The following SPG11 variants were observed in gnomAD, a reference collection of about 807,000 sequenced individuals.
SPG11 encodes the protein SPG11 vesicle trafficking associated, spatacsin.
A neutral mutation model predicts 274.0 loss-of-function variants in SPG11; 222 were observed. The ratio of observed to expected loss-of-function variants is 0.81; its 90% CI spans 0.73 to 0.91. The LOEUF (loss-of-function observed/expected upper bound fraction) is 0.91. Ranked by LOEUF, SPG11 falls within the 40% of genes least tolerant of loss-of-function variation. The pLI is 0.00. For missense variants in SPG11, 3,114 were observed against 2,872.7 expected, an observed-to-expected ratio of 1.08 and a Z score of -1.92; for synonymous variants, 1,144 against 1,039.7, an observed-to-expected ratio of 1.10 and a Z score of -1.93.
chr15:44,633,484 A>G, intron 8 of SPG11, 21 bp downstream of exon 8: 3 of 1,559,042 alleles, frequency 1.9e-6, no homozygotes, highest in African/African-American at 1.4e-5. Flanking sequence ...ATACAAATGT[A>G]GAAATCTTTA....
intron 20 of SPG11, among the ~76,000 whole-genome samples, chr15:44,601,362 G>T (rs763513894): frequency 2.8e-4 from 42 of 151,834 alleles, no homozygotes; most frequent in African/African-American, 1.0e-3. Context: ...CTGGGCTCAG[G>T]TGATCCTCCC....
intron 28 of SPG11, 75 bp downstream of exon 28, chr15:44,589,176 AC>A (rs1437085437): frequency 6.7e-7 from 1 of 1,486,980 alleles, no homozygotes; most frequent in Non-Finnish European, 9.3e-7. Flanking sequence ...TAATTTCCTA[AC>A]TACCCCTCTA....
intron 2 of SPG11, 60 bp downstream of exon 2, chr15:44,660,372 G>A: frequency 1.3e-6 from 2 of 1,493,460 alleles, no homozygotes; most frequent in South Asian, 1.1e-5. Flanking sequence ...CCTGAAGTAT[G>A]TAACTACATG....
At chr15:44,650,916 T>C (rs771406185) in intron 6 of SPG11, among the ~76,000 whole-genome samples, 4 of 152,032 alleles carry the variant, frequency 2.6e-5, no homozygotes, top group Non-Finnish European at 4.4e-5. Flanking sequence ...CAAGGCTAAT[T>C]TTTGTATTTT....
At chr15:44,600,873 G>A (rs1193008988) in intron 20 of SPG11, among the ~76,000 whole-genome samples, 2 of 152,214 alleles carry the variant, frequency 1.3e-5, no homozygotes, top group African/African-American at 4.8e-5. Flanking sequence ...TGATGCTTCA[G>A]CCGGGTACGG....
chr15:44,580,653 T>C (rs1201084820), intron 30 of SPG11, among the ~76,000 whole-genome samples: 1 of 152,120 alleles, frequency 6.6e-6, no homozygotes, highest in East Asian at 1.9e-4. Flanking sequence ...TAGCTGGGTG[T>C]GGTGATGCAC....
intron 23 of SPG11, 135 bp downstream of exon 23, chr15:44,598,130 C>CA (rs2083090588): frequency 1.5e-6 from 1 of 683,810 alleles, no homozygotes; most frequent in African/African-American, 1.8e-5. Context: ...GTATCTGCTA[C>CA]ATGCTAGATA....
At chr15:44,633,324 CAAAAAAAAAAAAAAAAAAAAAAAAAA>C (rs531787427) in intron 8 of SPG11, 155 bp downstream of exon 8, 16 of 108,914 alleles carry the variant, frequency 1.5e-4, no homozygotes, top group Middle Eastern at 3.4e-3. Context: ...GACTCTGTCT[CAAAAAAAAAAAAAAAAAAAAAAAAAA>C]AAAAAAAAAA....
chr15:44,622,075 G>A lies in SPG11; in HGVS notation c.2445-141C>T. 5.1e-6 allele frequency: 6 copies of A among 1,180,216 alleles called. No individual in the cohort carries two copies. In the South Asian group the frequency reaches 5.5e-5, roughly 11 times the overall value. 73.1% of individuals were successfully genotyped at this position (1,180,216 alleles called of 1,614,324 possible). A position where few individuals can be genotyped will look rare whatever the true frequency, so the allele number is the denominator to read the frequency against. On this transcript the variant is annotated intron_variant, in intron 13 of 39. Transcript: ENST00000261866. The stretch of plus-strand genomic sequence containing the variant: ...AATATTAAAATGACAGAAAACTCTC[G>A]AGTCCCTTCTGTCTGATACAAGTTT...
chr15:44,621,188 T>G (rs2083738296), intron 14 of SPG11: 1 of 153,392 alleles, frequency 6.5e-6, no homozygotes, highest in African/African-American at 2.4e-5. Flanking sequence ...TAGATGTAGC[T>G]TCTAATTACT....
At chr15:44,565,245 G>A (rs1224708079) in intron 38 of SPG11, among the ~76,000 whole-genome samples, 1 of 152,216 alleles carries the variant, frequency 6.6e-6, no homozygotes, top group Non-Finnish European at 1.5e-5. Context: ...AGGACCACCA[G>A]CAAGAGTATT....
chr15:44,633,163 C>A lies in SPG11; in HGVS notation c.1735+342G>T, dbSNP rs117058188. On this transcript the variant is annotated intron_variant, in intron 8 of 39. Transcript: ENST00000261866. Reference sequence around the variant, plus strand: ...AGACCAGCCTGGCAACACAGTGAGACCCCATTCTCTACAAAGAATAGCTGA... The same window carrying A: ...AGACCAGCCTGGCAACACAGTGAGAACCCATTCTCTACAAAGAATAGCTGA... Among the ~76,000 whole-genome samples the A allele has an allele frequency of 7.5e-3, 1,141 of 151,240 alleles. 5 individuals carry two copies. Among genetic ancestry groups the A allele is most frequent in the South Asian group, 0.013 (64 of 4,774 alleles).
At chr15:44,652,764 C>G (rs971232595) in intron 4 of SPG11, among the ~76,000 whole-genome samples, 1 of 151,860 alleles carries the variant, frequency 6.6e-6, no homozygotes, top group Admixed American at 6.6e-5. Context: ...AAGCGATTCT[C>G]CTGTCTTAGC....
At chr15:44,593,790 G>A (rs1567146517) in intron 26 of SPG11, among the ~76,000 whole-genome samples, 2 of 143,390 alleles carry the variant, frequency 1.4e-5, no homozygotes, top group Non-Finnish European at 3.0e-5. Context: ...GTCTTGCTCT[G>A]TCACCCAGGC....
chr15:44,626,402 C>A lies in SPG11; in HGVS notation c.2173G>T (p.Gly725Cys). 2.5e-6 allele frequency: 4 copies of A among 1,613,838 alleles called. No homozygotes were observed. The highest frequency in any genetic ancestry group is 3.4e-6 in the Non-Finnish European group (4 of 1,179,916). The part of the protein sequence containing the change: ...AQKLEELIGI[G>C]LNLVFDNLKK... ...AAATTGTCAAAGACCAAATTTAGGC[C>A]TATGCCAATAAGCTCCTCAAGTTTT... Residue 725 changes from glycine (G) to cysteine (C), a missense_variant, in exon 11 of 40, where the codon GGC becomes TGC. Coordinates refer to ENST00000261866, the MANE Select transcript of SPG11 (RefSeq NM_025137.4).
At chr15:44,600,653 TATTA>T (rs781776411) in intron 20 of SPG11, 21 bp from the exon 21 acceptor site, 3 of 1,610,516 alleles carry the variant, frequency 1.9e-6, no homozygotes, top group Non-Finnish European at 2.5e-6. Context: ...AGTAAAACAA[TATTA>T]ATTATCTGTA....
At chr15:44,567,393 G>A in intron 36 of SPG11, 31 bp downstream of exon 36, 1 of 1,569,950 alleles carries the variant, frequency 6.4e-7, no homozygotes, top group Non-Finnish European at 8.8e-7. Context: ...TAGCAGCACT[G>A]TTCTGGTAGT....
At chr15:44,657,323 C>G (rs777800082) in intron 3 of SPG11, 27 bp from the exon 4 acceptor site, 5 of 1,606,016 alleles carry the variant, frequency 3.1e-6, no homozygotes, top group Non-Finnish European at 4.3e-6. Flanking sequence ...AAAGAAAATG[C>G]CAGTTTTGTA....
chr15:44,659,977 G>C (rs1387961180), intron 2 of SPG11, among the ~76,000 whole-genome samples: 1 of 152,130 alleles, frequency 6.6e-6, no homozygotes, highest in African/African-American at 2.4e-5. Flanking sequence ...GGGACAATCA[G>C]TTGAACTGGG....
Sources: allele counts gnomAD v4.1 joint callset (sites outside exome capture counted in the v4.1 genomes callset), GRCh38; gene constraint gnomAD v4.1.1; transcripts MANE v1.5; gene names NCBI Gene and HGNC (gene_info 2026-07-23, HGNC 2026-07-21).